Variants in SH3RF1 observed in about 807,000 individuals in gnomAD.
SH3RF1 encodes SH3 domain containing ring finger 1.
A neutral mutation model predicts 74.0 loss-of-function variants in SH3RF1; 32 were observed. The ratio of observed to expected loss-of-function variants is 0.43; its 90% CI spans 0.33 to 0.58. The LOEUF is 0.58. Among genes scored for constraint, SH3RF1 ranks in the 20% least tolerant of loss-of-function variants. The probability of loss-of-function intolerance (pLI) is 0.05; values close to 1 mark genes in which losing one functional copy is unlikely to be tolerated. For missense variants in SH3RF1, 954 were observed against 1,130.9 expected (o/e 0.84, Z 2.24); for synonymous variants, 396 against 439.6 (o/e 0.90, Z 1.24).
intron 5 of SH3RF1, among the ~76,000 whole-genome samples, chr4:169,132,186 C>T (rs528724207): frequency 6.6e-6 from 1 of 152,352 alleles, no homozygotes; most frequent in East Asian, 1.9e-4. Flanking sequence ...TATCAAGGAA[C>T]CCTTGGGGCA....
chr4:169,194,936 A>T (rs1734785936), intron 2 of SH3RF1, among the ~76,000 whole-genome samples: 1 of 152,212 alleles, frequency 6.6e-6, no homozygotes, highest in African/African-American at 2.4e-5. Context: ...TTTAACTCTC[A>T]TACATATATT....
intron 2 of SH3RF1, among the ~76,000 whole-genome samples, chr4:169,265,530 A>T (rs1039822561): frequency 6.6e-6 from 1 of 152,130 alleles, no homozygotes; most frequent in Non-Finnish European, 1.5e-5. Context: ...CTGGAGTGCA[A>T]GGGTGCGATC....
chr4:169,189,272 C>T (rs2126983544), intron 2 of SH3RF1, among the ~76,000 whole-genome samples: 1 of 152,380 alleles, frequency 6.6e-6, no homozygotes, highest in Middle Eastern at 3.4e-3. Context: ...TCAACTATGT[C>T]ATAAAGCAGG....
intron 2 of SH3RF1, among the ~76,000 whole-genome samples, chr4:169,211,498 A>AAAG (rs1561054162): frequency 2.1e-4 from 32 of 151,018 alleles, no homozygotes; most frequent in South Asian, 4.2e-4. Context: ...AAAAAAAAAA[A>AAAG]AAGAAGAAGA....
chr4:169,242,873 G>A (rs754221111), intron 2 of SH3RF1, among the ~76,000 whole-genome samples: 18 of 152,202 alleles, frequency 1.2e-4, no homozygotes, highest in East Asian at 1.9e-4. Context: ...CCAGAACCAT[G>A]AGCCAAATAC....
At chr4:169,245,576 T>C (rs1490620409) in intron 2 of SH3RF1, among the ~76,000 whole-genome samples, 1 of 152,170 alleles carries the variant, frequency 6.6e-6, no homozygotes, top group Admixed American at 6.5e-5. Flanking sequence ...ATCAACTAAC[T>C]GTCCTCAAGA....
intron 4 of SH3RF1, among the ~76,000 whole-genome samples, chr4:169,140,017 A>T (rs550100081): frequency 2.0e-4 from 31 of 152,174 alleles, no homozygotes; most frequent in Non-Finnish European, 3.8e-4. Flanking sequence ...ATTTTTATGC[A>T]TGGACAGTAA....
intron 2 of SH3RF1, among the ~76,000 whole-genome samples, chr4:169,222,425 A>G (rs1321197577): frequency 6.6e-6 from 1 of 151,840 alleles, no homozygotes; most frequent in African/African-American, 2.4e-5. Flanking sequence ...AGATTGCACC[A>G]CTACACTCCA....
intron 2 of SH3RF1, among the ~76,000 whole-genome samples, chr4:169,239,656 A>G (rs962542431): frequency 1.3e-5 from 2 of 152,228 alleles, no homozygotes; most frequent in African/African-American, 4.8e-5. Flanking sequence ...AAGCAAGTAC[A>G]TTAAAGGATA....
intron 2 of SH3RF1, among the ~76,000 whole-genome samples, chr4:169,156,889 C>T (rs1462686169): frequency 1.3e-5 from 2 of 152,128 alleles, no homozygotes; most frequent in Non-Finnish European, 2.9e-5. Context: ...CAGTACGACA[C>T]CCATGCACCA....
At chr4:169,186,877 G>T (rs1734613638) in intron 2 of SH3RF1, among the ~76,000 whole-genome samples, 1 of 151,170 alleles carries the variant, frequency 6.6e-6, no homozygotes, top group African/African-American at 2.4e-5. Flanking sequence ...AGCGGGGCGT[G>T]GTGGCGGGTG....
At chr4:169,207,944 G>C (rs1019247172) in intron 2 of SH3RF1, among the ~76,000 whole-genome samples, 3 of 151,982 alleles carry the variant, frequency 2.0e-5, no homozygotes, top group Non-Finnish European at 2.9e-5. Flanking sequence ...AGGGGTGGGG[G>C]GATCCTGCAC....
At chr4:169,255,348 A>G (rs1053984637) in intron 2 of SH3RF1, among the ~76,000 whole-genome samples, 34 of 152,244 alleles carry the variant, frequency 2.2e-4, no homozygotes, top group Admixed American at 2.1e-3. Context: ...ATGCATCAGT[A>G]AAGTACATAA....
intron 2 of SH3RF1, among the ~76,000 whole-genome samples, chr4:169,211,381 C>A (rs1730363555): frequency 6.7e-6 from 1 of 150,054 alleles, no homozygotes; most frequent in African/African-American, 2.5e-5. Flanking sequence ...ACTTGGGAGG[C>A]TGAGGCAGGA....
chr4:169,182,989 C>A (rs1734537842), intron 2 of SH3RF1, among the ~76,000 whole-genome samples: 1 of 152,082 alleles, frequency 6.6e-6, no homozygotes, highest in African/African-American at 2.4e-5. Context: ...TGAGACCCGG[C>A]TGAGCAACAT....
Position 169,101,523 on chromosome 4 carries a change from CGGAT to C in SH3RF1, c.2499-4840_2499-4837del, listed in dbSNP as rs1733032305. Reference sequence around the variant, plus strand: ...TTAGGATGAGAAAAAGTTCTAGAAACGGATAGCAGTGAATGGTTGTATGACAACA... The same window carrying C: ...TTAGGATGAGAAAAAGTTCTAGAAACAGCAGTGAATGGTTGTATGACAACA... On this transcript the variant is annotated intron_variant, in intron 11 of 11. Transcript: ENST00000284637. 2.0e-5 allele frequency among the ~76,000 whole-genome samples: 3 copies of C among 152,058 alleles called. No homozygotes were observed. The East Asian group carries it at 5.8e-4, about 29-fold the overall frequency.
chr4:169,270,823 G>A (rs1731438767), intron 1 of SH3RF1, 36 bp downstream of exon 1: 1 of 152,114 alleles, frequency 6.6e-6, no homozygotes, highest in East Asian at 1.9e-4. Context: ...GCCGACGCTG[G>A]GTCCCCGTCG....
intron 2 of SH3RF1, among the ~76,000 whole-genome samples, chr4:169,177,905 T>C (rs1050371522): frequency 7.9e-5 from 12 of 152,062 alleles, no homozygotes; most frequent in African/African-American, 2.7e-4. Flanking sequence ...ATGCATCTCA[T>C]ATATGTGATA....
chr4:169,124,668 A>T (rs573100990), intron 6 of SH3RF1, among the ~76,000 whole-genome samples: 1 of 152,360 alleles, frequency 6.6e-6, no homozygotes, highest in Middle Eastern at 3.4e-3. Flanking sequence ...CTCTGATTAA[A>T]ATCAGATTCC....
Sources: gnomAD v4.1 joint callset for allele counts (sites outside exome capture counted in the v4.1 genomes callset) on GRCh38, gnomAD v4.1.1 for gene constraint, MANE v1.5 for transcripts, NCBI Gene and HGNC (gene_info 2026-07-23, HGNC 2026-07-21) for gene names.